VWF: variants seen among roughly 807,000 people sequenced by gnomAD.
VWF encodes Factor VIII related antigen.
Under a neutral mutation model 308.6 loss-of-function variants are expected in VWF, and 176 were observed. The observed-to-expected ratio is 0.57, with a 90% CI of 0.50 to 0.65. The LOEUF (loss-of-function observed/expected upper bound fraction) is 0.65. Among genes scored for constraint, VWF ranks in the 30% least tolerant of loss-of-function variants. The pLI is 0.00. For synonymous variants in VWF, 1,385 were observed against 1,443.4 expected, an observed-to-expected ratio of 0.96 and a Z score of 0.92; for missense variants, 3,146 against 3,648.2, an observed-to-expected ratio of 0.86 and a Z score of 3.55.
chr12:6,026,326 G>C (rs964009635), intron 22 of VWF, among the ~76,000 whole-genome samples: 3 of 152,110 alleles, frequency 2.0e-5, no homozygotes, highest in Non-Finnish European at 4.4e-5. Context: ...GGCAGAGGTG[G>C]GAATCAGGCA....
intron 47 of VWF, among the ~76,000 whole-genome samples, chr12:5,964,219 A>AATACATACATACATACATGC (rs1943355285): frequency 2.5e-5 from 3 of 118,166 alleles, no homozygotes; most frequent in African/African-American, 7.5e-5. Flanking sequence ...TCTGTCTAAA[A>AATACATACATACATACATGC]ATACATACAT....
intron 20 of VWF, among the ~76,000 whole-genome samples, chr12:6,032,113 T>C (rs1293186170): frequency 6.6e-6 from 1 of 152,142 alleles, no homozygotes; most frequent in East Asian, 1.9e-4. Context: ...CTGGTCCTTG[T>C]TGGTCAATTG....
At chr12:6,052,413 C>G in intron 16 of VWF, 130 bp downstream of exon 16, 3 of 1,398,032 alleles carry the variant, frequency 2.1e-6, no homozygotes. Flanking sequence ...ACTTGCTGTA[C>G]AGTTCTGGAC....
At chr12:6,094,947 G>A (rs377547731) in intron 6 of VWF, among the ~76,000 whole-genome samples, 77 of 134,868 alleles carry the variant, frequency 5.7e-4, no homozygotes, top group African/African-American at 1.8e-3. Flanking sequence ...GCTAAGCTCC[G>A]CCTCCTGGGT....
intron 16 of VWF, among the ~76,000 whole-genome samples, chr12:6,049,339 A>G (rs1944482074): frequency 6.6e-6 from 1 of 152,222 alleles, no homozygotes; most frequent in African/African-American, 2.4e-5. Context: ...GGACGCAGAC[A>G]TGGAGAGGTC....
In VWF at chr12:6,058,144, C is replaced by A; in HGVS notation, c.1534-100G>T. 1 of 1,278,350 alleles carries A rather than the reference C, an allele frequency of 7.8e-7. No homozygotes were observed. Among genetic ancestry groups the A allele is most frequent in the Non-Finnish European group, 1.1e-6 (1 of 922,556 alleles). 79.2% of individuals were successfully genotyped at this position (1,278,350 alleles called of 1,614,324 possible). On this transcript the variant is annotated intron_variant, in intron 13 of 51. Transcript: ENST00000261405. The surrounding 1 kb of genome is among the most constrained non-coding windows in gnomAD (Gnocchi z 4.9). Reference sequence around the variant, plus strand: ...TTTTAATAAAAAAAAAAAAGTTCCCCGGGTGAAACATAAATATGAATGTAA... The same window carrying A: ...TTTTAATAAAAAAAAAAAAGTTCCCAGGGTGAAACATAAATATGAATGTAA...
chr12:5,976,574 C>T (rs374297823), intron 42 of VWF, among the ~76,000 whole-genome samples: 14 of 152,058 alleles, frequency 9.2e-5, no homozygotes, highest in East Asian at 5.8e-4. Context: ...CTGCACTTCA[C>T]TCCTTCCTAT....
chr12:5,997,745 T>C (rs16932350), intron 34 of VWF, among the ~76,000 whole-genome samples: 1,581 of 152,308 alleles, frequency 0.01, 34 homozygotes, highest in African/African-American at 0.036. Flanking sequence ...ATAGTAAAAC[T>C]TGAGGTCCTT....
chr12:6,008,386 G>GAT (rs1430098528), intron 34 of VWF, among the ~76,000 whole-genome samples: 2 of 152,124 alleles, frequency 1.3e-5, no homozygotes, highest in Non-Finnish European at 2.9e-5. Context: ...CAATAAAGGT[G>GAT]ATACATAGCA....
chr12:6,051,235 C>G (rs1468815980), intron 16 of VWF, among the ~76,000 whole-genome samples: 1 of 150,498 alleles, frequency 6.6e-6, no homozygotes, highest in Non-Finnish European at 1.5e-5. Context: ...ATACTATTCT[C>G]TCTACTTTAA....
intron 44 of VWF, among the ~76,000 whole-genome samples, chr12:5,970,771 T>C (rs1453837126): frequency 1.3e-5 from 2 of 152,170 alleles, no homozygotes; most frequent in African/African-American, 2.4e-5. Flanking sequence ...GGGAAGCGCA[T>C]TGGTCTTGCT....
intron 46 of VWF, 68 bp downstream of exon 46, chr12:5,968,059 C>A (rs1943424063): frequency 6.2e-7 from 1 of 1,602,656 alleles, no homozygotes. Flanking sequence ...GACTTGCCTG[C>A]TCCCCTTCCC....
rs759435371 is a variant in VWF, at chr12:6,018,821, C to G, written c.4597G>C (p.Asp1533His). ...EVIQRMDVGQ[D>H]SIHVTVLQYS... ...TGCAGCACCGTGACGTGGATGCTGT[C>G]CTGGCCCACATCCATCCGCTGAATC... The change falls in exon 28 of 52, where the codon GAC becomes CAC. Residue 1533 changes from aspartate (D) to histidine (H), a missense_variant. Physicochemically the swap from Asp to His is moderately conservative, Grantham distance 81 (BLOSUM62 -1). This residue lies in a region of VWF where 853 missense variants were observed against 1,177.8 expected (regional missense o/e 0.72). Coordinates refer to ENST00000261405, the MANE Select transcript of VWF (RefSeq NM_000552.5). 2.5e-6 allele frequency: 4 copies of G among 1,613,934 alleles called. No homozygotes were observed. The highest frequency in any genetic ancestry group is 3.4e-6 in the Non-Finnish European group (4 of 1,179,878).
At chr12:5,999,869 A>G (rs1412690654) in intron 34 of VWF, among the ~76,000 whole-genome samples, 3 of 152,148 alleles carry the variant, frequency 2.0e-5, no homozygotes, top group South Asian at 2.1e-4. Flanking sequence ...GTGGGTAATA[A>G]AAGTGCAAAG....
chr12:6,119,217 C>T (rs1159289883), intron 3 of VWF, among the ~76,000 whole-genome samples: 1 of 152,244 alleles, frequency 6.6e-6, no homozygotes, highest in Non-Finnish European at 1.5e-5. Context: ...AGCCTACTCT[C>T]CTCCAGTCCC....
intron 47 of VWF, among the ~76,000 whole-genome samples, chr12:5,959,436 T>C (rs1053228319): frequency 6.6e-6 from 1 of 152,076 alleles, no homozygotes; most frequent in Admixed American, 6.6e-5. Flanking sequence ...CAAATGAAGA[T>C]ATAGAGGATT....
intron 34 of VWF, among the ~76,000 whole-genome samples, chr12:6,003,579 A>T (rs1362724969): frequency 6.6e-6 from 1 of 152,180 alleles, no homozygotes; most frequent in Non-Finnish European, 1.5e-5. Context: ...CATTATGCTA[A>T]GCAGAATAAG....
At chr12:6,066,535 A>G (rs533097799) in intron 10 of VWF, among the ~76,000 whole-genome samples, 1 of 152,376 alleles carries the variant, frequency 6.6e-6, no homozygotes, top group East Asian at 1.9e-4. Context: ...CATAGAGTGC[A>G]CAGGGCTTCC....
At chr12:6,044,882 C>T (rs1376719277) in intron 17 of VWF, among the ~76,000 whole-genome samples, 2 of 152,142 alleles carry the variant, frequency 1.3e-5, no homozygotes, top group Non-Finnish European at 1.5e-5. Context: ...GCCATCTGAC[C>T]ACAATGGCTT....
Sources: allele counts gnomAD v4.1 joint callset (sites outside exome capture counted in the v4.1 genomes callset), GRCh38; gene constraint gnomAD v4.1.1; regional missense constraint gnomAD v4.1.1; non-coding constraint Gnocchi (gnomAD v3.1); transcripts MANE v1.5; gene names NCBI Gene and HGNC (gene_info 2026-07-23, HGNC 2026-07-21).